Variants in EXOG observed in about 807,000 individuals in gnomAD.
The protein encoded by EXOG is nuclease EXOG, mitochondrial.
EXOG carries 27 observed loss-of-function variants against 25.8 expected under a neutral mutation model. That is an observed-to-expected ratio of 1.05 (90% CI 0.77 to 1.45). The LOEUF is 1.45. Among genes scored for constraint, EXOG ranks in the 40% most tolerant of loss-of-function variants. EXOG has a pLI of 0.00. For synonymous variants in EXOG, 133 were observed against 167.0 expected, an observed-to-expected ratio of 0.80 and a Z score of 1.57; for missense variants, 458 against 450.5, an observed-to-expected ratio of 1.02 and a Z score of -0.15.
At chr3:38,523,392 C>T (rs2060781350) in intron 5 of EXOG, 1 of 906,562 alleles carries the variant, frequency 1.1e-6, no homozygotes, top group African/African-American at 1.8e-5. Flanking sequence ...GAGGTGGAGT[C>T]TTGCTCTGTC....
chr3:38,497,991 C>T, intron 2 of EXOG: 1 of 516,608 alleles, frequency 1.9e-6, no homozygotes, highest in Non-Finnish European at 3.3e-6. Flanking sequence ...ATACCCATAT[C>T]TTGACACACT....
chr3:38,496,416 C>T lies in EXOG; in HGVS notation c.49C>T (p.Leu17=), dbSNP rs1391072627. The part of the protein sequence containing the change: ...ASRLRGSRRF[L]SGFVAGAVVG... ...CCGCCTCCGGGGTTCCCGTCGTTTT[C>T]TGAGCGGCTTCGTGGCTGGGGCTGT... The change falls in exon 1 of 6, where the codon CTG becomes TTG. Residue 17 remains leucine, a synonymous_variant. Coordinates refer to ENST00000287675, the MANE Select transcript of EXOG (RefSeq NM_005107.4). 1 of 1,613,206 alleles carries T rather than the reference C, an allele frequency of 6.2e-7. No homozygotes were observed. Among genetic ancestry groups the T allele is most frequent in the Non-Finnish European group, 8.5e-7 (1 of 1,179,682 alleles).
At chr3:38,504,369 A>AT (rs1336970202) in intron 4 of EXOG, among the ~76,000 whole-genome samples, 1 of 151,614 alleles carries the variant, frequency 6.6e-6, no homozygotes, top group Non-Finnish European at 1.5e-5. Flanking sequence ...CTATCTCAAA[A>AT]AAAAAAGTTC....
At position 38,496,706 on chromosome 3, in the gene EXOG, C is replaced by T. The variant is rs1412385186; in HGVS notation, c.163+176C>T. The T allele has an allele frequency of 4.8e-6, 7 of 1,444,190 alleles. No individual in the cohort carries two copies. The Admixed American group carries it at 1.6e-4, about 32-fold the overall frequency. 89.5% of individuals were successfully genotyped at this position (1,444,190 alleles called of 1,614,324 possible). A position where few individuals can be genotyped will look rare whatever the true frequency, so the allele number is the denominator to read the frequency against. On this transcript the variant is annotated intron_variant, in intron 1 of 5. Coordinates refer to ENST00000287675, the MANE Select transcript of EXOG (RefSeq NM_005107.4). ...TCGGCCTCCCTTCCCCACCTCGCGT[C>T]TCGCCAGCTTCCCTCATGTCCTTCC...
At chr3:38,501,588 A>G (rs2060045558) in intron 3 of EXOG, 94 bp downstream of exon 3, 1 of 1,052,790 alleles carries the variant, frequency 9.5e-7, no homozygotes, top group Non-Finnish European at 1.4e-6. Context: ...CCAAACCTTA[A>G]AACTTGAGAA....
In EXOG at chr3:38,525,091, A is replaced by G. The variant is rs1012063250; in HGVS notation, c.*729A>G. ...GTCTACGTAGAAGCACTCAGCAACT[A>G]GTTTCTGCTCATTAAATGTGTTCTA... On this transcript the variant is annotated 3_prime_UTR_variant, in exon 6 of 6. Transcript: ENST00000287675. 4.1e-6 allele frequency: 4 copies of G among 981,106 alleles called. No homozygotes were observed. The African/African-American group carries it at 7.0e-5, about 17-fold the overall frequency. 60.8% of individuals were successfully genotyped at this position (981,106 alleles called of 1,614,324 possible).
intron 2 of EXOG, among the ~76,000 whole-genome samples, chr3:38,498,583 T>C (rs560853766): frequency 2.7e-4 from 41 of 151,864 alleles, no homozygotes; most frequent in South Asian, 4.2e-4. Context: ...GATGAGAGAT[T>C]ATAACACAAG....
chr3:38,506,750 A>C (rs1437631489), intron 4 of EXOG, 104 bp from the exon 5 acceptor site: 6 of 508,616 alleles, frequency 1.2e-5, no homozygotes, highest in African/African-American at 1.0e-4. Context: ...TTAATTTCTC[A>C]AATGCAGTTT....
At chr3:38,496,776 C>G (rs1575600672) in intron 1 of EXOG, 1 of 1,463,054 alleles carries the variant, frequency 6.8e-7, no homozygotes, top group East Asian at 2.7e-5. Context: ...ACCCCCGCCG[C>G]CCGACTTTCT....
At chr3:38,501,874 T>A (rs926007977) in intron 3 of EXOG, among the ~76,000 whole-genome samples, 1 of 152,158 alleles carries the variant, frequency 6.6e-6, no homozygotes, top group African/African-American at 2.4e-5. Context: ...GCCTCTTGAG[T>A]GGCTGGGATT....
intron 2 of EXOG, chr3:38,498,162 G>A: frequency 5.9e-6 from 1 of 168,734 alleles, no homozygotes; most frequent in Non-Finnish European, 1.3e-5. Flanking sequence ...CTTTGAGTTG[G>A]GAGAGTGGGT....
intron 5 of EXOG, among the ~76,000 whole-genome samples, chr3:38,517,945 T>A (rs1241454230): frequency 6.6e-6 from 1 of 152,210 alleles, no homozygotes; most frequent in Non-Finnish European, 1.5e-5. Flanking sequence ...ATATTTCAAG[T>A]CAAACTTTAT....
At chr3:38,504,948 C>A (rs1442953163) in intron 4 of EXOG, among the ~76,000 whole-genome samples, 2 of 152,082 alleles carry the variant, frequency 1.3e-5, no homozygotes, top group Non-Finnish European at 2.9e-5. Context: ...TCAGTCATGG[C>A]GACATTTGTT....
intron 3 of EXOG, among the ~76,000 whole-genome samples, chr3:38,503,018 A>G (rs569662351): frequency 1.3e-5 from 2 of 152,306 alleles, no homozygotes; most frequent in African/African-American, 4.8e-5. Flanking sequence ...ATCAATATCA[A>G]TATTTTTAAA....
In EXOG at chr3:38,497,782, G is replaced by A. The variant is rs753976102; in HGVS notation, c.313+4G>A. The stretch of plus-strand genomic sequence containing the variant: ...ATTTCCAAAAGCAAGATAATGGGTA[G>A]GTGGTTGGATAAAAAAACTGAAGTA... On this transcript the variant is annotated splice_donor_region_variant and intron_variant, in intron 2 of 5. Coordinates refer to ENST00000287675, the MANE Select transcript of EXOG (RefSeq NM_005107.4). 3 of 1,588,744 alleles carry A rather than the reference G, an allele frequency of 1.9e-6. No individual in the cohort carries two copies. The highest frequency in any genetic ancestry group is 1.4e-5 in the African/African-American group (1 of 73,084).
chr3:38,510,639 A>G (rs1319639940), intron 5 of EXOG, among the ~76,000 whole-genome samples: 1 of 151,484 alleles, frequency 6.6e-6, no homozygotes, highest in East Asian at 1.9e-4. Context: ...TGCTGTTCTT[A>G]CAAATGCTAA....
At position 38,524,290 on chromosome 3, in the gene EXOG, T is replaced by G; in HGVS notation, c.1035T>G (p.Ser345Arg). 6.2e-7 allele frequency: 1 copy of G among 1,613,878 alleles called. No homozygotes were observed. Among genetic ancestry groups the G allele is most frequent in the Non-Finnish European group, 8.5e-7 (1 of 1,179,980 alleles). ...AEIEPDDYFMSRYEKKLEELK... is the reference protein window; with the variant it reads ...AEIEPDDYFMRRYEKKLEELK... ...TTGAACCAGATGATTACTTTATGAG[T>G]CGCTATGAGAAGAAGCTAGAAGAAC... The change falls in exon 6 of 6, where the codon AGT becomes AGG. Residue 345 changes from serine to arginine, a missense_variant. Physicochemically the swap from Ser to Arg is moderately radical, Grantham distance 110. This residue lies in a region of EXOG where 178 missense variants were observed against 203.7 expected (regional missense o/e 0.87). Transcript: ENST00000287675.
intron 5 of EXOG, among the ~76,000 whole-genome samples, chr3:38,507,928 C>T (rs1383166780): frequency 6.6e-6 from 1 of 152,032 alleles, no homozygotes; most frequent in South Asian, 2.1e-4. Flanking sequence ...GTCAGGAGTT[C>T]GAGACCAGCC....
chr3:38,503,765 C>A, intron 4 of EXOG, 74 bp downstream of exon 4: 1 of 852,232 alleles, frequency 1.2e-6, no homozygotes, highest in Non-Finnish European at 1.9e-6. Flanking sequence ...ACTGATGTGC[C>A]TATTAGCTGT....
Sources: gnomAD v4.1 joint callset for allele counts (sites outside exome capture counted in the v4.1 genomes callset) on GRCh38, gnomAD v4.1.1 for gene constraint, gnomAD v4.1.1 regional missense constraint, MANE v1.5 for transcripts, NCBI Gene and HGNC (gene_info 2026-07-23, HGNC 2026-07-21) for gene names.